ZNF492: variants seen among roughly 807,000 people sequenced by gnomAD.
ZNF492 encodes the protein zinc finger protein 115 (Y20).
ZNF492 carries 3 observed loss-of-function variants against 6.4 expected under a neutral mutation model. That is an observed-to-expected ratio of 0.47 (90% CI 0.21 to 1.22). The LOEUF (loss-of-function observed/expected upper bound fraction) is 1.22, where lower values mean the gene tolerates loss of function less well. ZNF492 is among the 50% of genes most tolerant of loss of function. The pLI is 0.22. For missense variants in ZNF492, 356 were observed against 612.5 expected, an observed-to-expected ratio of 0.58 and a Z score of 4.42; for synonymous variants, 112 against 205.3, an observed-to-expected ratio of 0.55 and a Z score of 3.89.
intron 1 of ZNF492, among the ~76,000 whole-genome samples, chr19:22,652,127 AGAGTT>A (rs1439616596): frequency 6.6e-6 from 1 of 150,768 alleles, no homozygotes; most frequent in Non-Finnish European, 1.5e-5. Context: ...TTTTTTCTAT[AGAGTT>A]AATTATTTTT....
chr19:22,655,281 T>A (rs550833543), intron 3 of ZNF492, among the ~76,000 whole-genome samples: 1 of 148,554 alleles, frequency 6.7e-6, no homozygotes, highest in Non-Finnish European at 1.5e-5. Flanking sequence ...GCAACAAGAG[T>A]GAAACTCCAT....
At chr19:22,648,972 A>G (rs374563204) in intron 1 of ZNF492, among the ~76,000 whole-genome samples, 52 of 152,328 alleles carry the variant, frequency 3.4e-4, no homozygotes, top group African/African-American at 1.2e-3. Flanking sequence ...TGATCCTGTC[A>G]TCATGATGGC....
chr19:22,663,808 T>A lies in ZNF492; in HGVS notation c.139T>A (p.Ser47Thr). The change falls in exon 4 of 4, where the codon TCT becomes ACT. Residue 47 changes from serine (S) to threonine (T), a missense_variant. Physicochemically the swap from Ser to Thr is moderately conservative, Grantham distance 58. This residue lies in a region of ZNF492 where 196 missense variants were observed against 219.4 expected (regional missense o/e 0.89). Transcript: ENST00000456783. ...ATTTTTATTTCTTTCAGTTGTATGT[T>A]CTTATTTTGCCCGAGACCTTTGGCC... ...EMVAEPPVVC[S>T]YFARDLWPKQ... is the part of the protein sequence containing the mutation. 2 of 1,515,382 alleles carry A rather than the reference T, an allele frequency of 1.3e-6. No individual in the cohort carries two copies. Among genetic ancestry groups the A allele is most frequent in the Non-Finnish European group, 1.8e-6 (2 of 1,136,836 alleles). The allele number at this position is 1,515,382 out of a possible 1,614,324, so 93.9% of individuals were successfully genotyped here. A position where few individuals can be genotyped will look rare whatever the true frequency, so the allele number is the denominator to read the frequency against.
Position 22,666,441 on chromosome 19 carries a change from T to G in ZNF492, c.*1176T>G, listed in dbSNP as rs568928978. ...CGAGACTTTAGGTGATCCGCCCAGCTTGGCCTCCCGCAATGCTGCAATTAC... is the reference window on the plus strand; with the variant it reads ...CGAGACTTTAGGTGATCCGCCCAGCGTGGCCTCCCGCAATGCTGCAATTAC... On this transcript the variant is annotated 3_prime_UTR_variant, in exon 4 of 4. Transcript: ENST00000456783. 19 of 152,342 alleles carry G rather than the reference T, an allele frequency of 1.2e-4. No homozygotes were observed. The highest frequency in any genetic ancestry group is 4.6e-4 in the African/African-American group (19 of 41,582). 9.4% of individuals were successfully genotyped at this position (152,342 alleles called of 1,614,324 possible).
At chr19:22,659,591 CAG>C (rs71180579) in intron 3 of ZNF492, among the ~76,000 whole-genome samples, 1,754 of 144,416 alleles carry the variant, frequency 0.012, 36 homozygotes, top group African/African-American at 0.039. Flanking sequence ...CACACACACA[CAG>C]AGAGAGAGAG....
rs1017478904 is a variant in ZNF492 at position 22,647,047 on chromosome 19, G to A, written c.-93-6260G>A. Among the ~76,000 whole-genome samples the A allele has an allele frequency of 1.6e-4, 24 of 150,140 alleles. 1 individual carries two copies. The highest frequency in any genetic ancestry group is 8.5e-4 in the South Asian group (4 of 4,720). On this transcript the variant is annotated intron_variant, in intron 1 of 3. Coordinates refer to ENST00000456783, the MANE Select transcript of ZNF492 (RefSeq NM_020855.3). ...TGAGATTACAGGTATGCACCACCACGCCCGGCTAATTTTTTGTACTTTTAG... is the reference window on the plus strand; with the variant it reads ...TGAGATTACAGGTATGCACCACCACACCCGGCTAATTTTTTGTACTTTTAG...
Position 22,646,145 on chromosome 19 carries a change from A to G in ZNF492, c.-93-7162A>G, listed in dbSNP as rs533196548. On this transcript the variant is annotated intron_variant, in intron 1 of 3. Transcript: ENST00000456783. ...CATTTTCATGATGTTGATTCCTTCT[A>G]TCCATAAGGATGGGATGTTTTTCCA... is the stretch of plus-strand genomic sequence containing the variant. Among the ~76,000 whole-genome samples, 20 of 152,278 alleles carry G rather than the reference A, an allele frequency of 1.3e-4. No homozygotes were observed. In the East Asian group the frequency reaches 3.3e-3, roughly 25 times the overall value.
intron 1 of ZNF492, among the ~76,000 whole-genome samples, chr19:22,646,445 A>G (rs1971877967): frequency 6.6e-6 from 1 of 152,204 alleles, no homozygotes; most frequent in Non-Finnish European, 1.5e-5. Context: ...CTAAATATAG[A>G]ATAACGTCAT....
Position 22,664,603 on chromosome 19 carries a change from G to A in ZNF492, c.934G>A (p.Glu312Lys). 6.2e-7 allele frequency: 1 copy of A among 1,613,112 alleles called. No individual in the cohort carries two copies. The highest frequency in any genetic ancestry group is 1.1e-5 in the South Asian group (1 of 90,996). The change falls in exon 4 of 4, where the codon GAA becomes AAA. Residue 312 changes from glutamate to lysine, a missense_variant. Physicochemically the swap from Glu to Lys is moderately conservative, Grantham distance 56 (BLOSUM62 1). Transcript: ENST00000456783. The stretch of plus-strand genomic sequence containing the variant: ...TACTGGAGAGAAATTCTACAAATGT[G>A]AAGAATGTGGTAAGGCCTTTAGCCA... ...IHTGEKFYKC[E>K]ECGKAFSQLS...
chr19:22,651,806 C>T (rs559056915), intron 1 of ZNF492, among the ~76,000 whole-genome samples: 9 of 151,844 alleles, frequency 5.9e-5, no homozygotes, highest in South Asian at 2.1e-4. Context: ...TAAGAAAATG[C>T]TTATTTAAAT....
chr19:22,640,149 TATTA>T (rs1343506407), intron 1 of ZNF492, among the ~76,000 whole-genome samples: 12 of 150,754 alleles, frequency 8.0e-5, no homozygotes, highest in Non-Finnish European at 1.3e-4. Context: ...GAATCACATT[TATTA>T]ATTCATGTGT....
At chr19:22,641,816 C>T (rs547297987) in intron 1 of ZNF492, among the ~76,000 whole-genome samples, 2 of 152,030 alleles carry the variant, frequency 1.3e-5, no homozygotes, top group East Asian at 3.9e-4. Context: ...TTTTTTGAGA[C>T]GGAGTCTTGC....
At chr19:22,639,738 G>T (rs975721229) in intron 1 of ZNF492, among the ~76,000 whole-genome samples, 1 of 148,002 alleles carries the variant, frequency 6.8e-6, no homozygotes, top group Non-Finnish European at 1.5e-5. Context: ...GAAAAGAAAA[G>T]AAAAGCTTTT....
At chr19:22,648,782 G>A (rs569054493) in intron 1 of ZNF492, among the ~76,000 whole-genome samples, 1 of 152,236 alleles carries the variant, frequency 6.6e-6, no homozygotes, top group East Asian at 1.9e-4. Context: ...GCTTATTTCT[G>A]CTTTCCATTT....
At position 22,666,891 on chromosome 19, in the gene ZNF492, CACTT is replaced by C. The variant is rs1972135419; in HGVS notation, c.*1631_*1634del. Reference sequence around the variant, plus strand: ...TGCATTCAATCAAGTCACATTATTCCACTTACTTTAACCTAGTCCACCTTACTCA... The same window carrying C: ...TGCATTCAATCAAGTCACATTATTCCACTTTAACCTAGTCCACCTTACTCA... On this transcript the variant is annotated 3_prime_UTR_variant, in exon 4 of 4. Transcript: ENST00000456783. The C allele has an allele frequency of 3.3e-5, 5 of 151,948 alleles. No homozygotes were observed. The highest frequency in any genetic ancestry group is 4.8e-5 in the African/African-American group (2 of 41,360). 9.4% of individuals were successfully genotyped at this position (151,948 alleles called of 1,614,324 possible).
At chr19:22,635,617 T>A in intron 1 of ZNF492, among the ~76,000 whole-genome samples, 1 of 152,236 alleles carries the variant, frequency 6.6e-6, no homozygotes, top group Non-Finnish European at 1.5e-5. Context: ...AAAGATCTTA[T>A]GAGAATGTTT....
chr19:22,650,753 C>T (rs549800926), intron 1 of ZNF492, among the ~76,000 whole-genome samples: 22 of 152,228 alleles, frequency 1.4e-4, no homozygotes, highest in South Asian at 8.3e-4. Context: ...GGGACCAAGC[C>T]GTCCAGCATC....
chr19:22,647,556 G>A (rs551433884), intron 1 of ZNF492, among the ~76,000 whole-genome samples: 7 of 150,072 alleles, frequency 4.7e-5, no homozygotes, highest in East Asian at 2.0e-4. Flanking sequence ...GAGCCACCAC[G>A]CCTGGCCCTA....
chr19:22,662,125 G>T (rs571077723), intron 3 of ZNF492, among the ~76,000 whole-genome samples: 3 of 151,900 alleles, frequency 2.0e-5, no homozygotes, highest in African/African-American at 4.8e-5. Context: ...GATGTTCCCC[G>T]CCCTGTGTCC....
Sources: gnomAD v4.1 joint callset for allele counts (sites outside exome capture counted in the v4.1 genomes callset) on GRCh38, gnomAD v4.1.1 for gene constraint, gnomAD v4.1.1 regional missense constraint, MANE v1.5 for transcripts, NCBI Gene and HGNC (gene_info 2026-07-23, HGNC 2026-07-21) for gene names.